The following KSR2 variants were observed in gnomAD, a reference collection of about 807,000 sequenced individuals.
KSR2 encodes the protein kinase suppressor of ras 2.
Under a neutral mutation model 107.8 loss-of-function variants are expected in KSR2, and 25 were observed. The observed-to-expected ratio is 0.23, with a 90% CI of 0.17 to 0.32. The LOEUF (loss-of-function observed/expected upper bound fraction) is 0.32. Ranked by LOEUF, KSR2 falls within the 10% of genes least tolerant of loss-of-function variation. The probability of loss-of-function intolerance (pLI) is 1.00; values close to 1 mark genes in which losing one functional copy is unlikely to be tolerated. For missense variants in KSR2, 887 were observed against 1,268.9 expected, an observed-to-expected ratio of 0.70 and a Z score of 4.57; for synonymous variants, 480 against 507.0, an observed-to-expected ratio of 0.95 and a Z score of 0.71.
At position 117,549,078 on chromosome 12, in the gene KSR2, C is replaced by T. The variant is rs79871267; in HGVS notation, c.1518+6091G>A. 3.0e-3 allele frequency among the ~76,000 whole-genome samples: 464 copies of T among 152,324 alleles called. 2 individuals are homozygous for T. The highest frequency in any genetic ancestry group is 0.011 in the African/African-American group (446 of 41,568). On this transcript the variant is annotated intron_variant, in intron 9 of 19. Coordinates refer to ENST00000339824, the MANE Select transcript of KSR2 (RefSeq NM_173598.6). The stretch of plus-strand genomic sequence containing the variant: ...CTAACCACCTGCCACGCAAGACCAC[C>T]TTGAAGGTAACTCTGATCCAACATT...
At chr12:117,801,476 C>T (rs1268232816) in intron 3 of KSR2, among the ~76,000 whole-genome samples, 2 of 152,048 alleles carry the variant, frequency 1.3e-5, no homozygotes, top group Non-Finnish European at 2.9e-5. Context: ...GTTCACAGTT[C>T]CTCAGGCTGT....
intron 1 of KSR2, among the ~76,000 whole-genome samples, chr12:117,966,487 C>G (rs79983934): frequency 0.029 from 4,376 of 152,114 alleles, 219 homozygotes; most frequent in African/African-American, 0.1. Context: ...CAACACAATT[C>G]CCACTCTCCC....
Position 117,476,566 on chromosome 12 carries a change from C to T in KSR2, c.2480G>A (p.Gly827Asp). 1 of 1,611,516 alleles carries T rather than the reference C, an allele frequency of 6.2e-7. No individual in the cohort carries two copies. The highest frequency in any genetic ancestry group is 8.5e-7 in the Non-Finnish European group (1 of 1,178,994). ...RREDKLRIQNGWLCHLAPEII... is the reference protein window; with the variant it reads ...RREDKLRIQNDWLCHLAPEII... The stretch of plus-strand genomic sequence containing the variant: ...CTCTGGTGCCAGGTGGCATAGCCAG[C>T]CATTCTGGATGCGCAGTTTGTCCTC... Residue 827 changes from glycine (G) to aspartate (D), a missense_variant, in exon 17 of 20, where the codon GGC becomes GAC. By Grantham distance (94) the Gly-to-Asp change is moderately conservative (BLOSUM62 -1). This residue lies in a region of KSR2 where 308 missense variants were observed against 506.2 expected (regional missense o/e 0.61). Transcript: ENST00000339824.
chr12:117,798,643 C>A (rs375034933), intron 3 of KSR2, among the ~76,000 whole-genome samples: 2 of 144,492 alleles, frequency 1.4e-5, no homozygotes, highest in East Asian at 2.0e-4. Context: ...AAAAACAAAA[C>A]GAAACAAAAC....
chr12:117,582,122 T>C (rs860113), intron 6 of KSR2, among the ~76,000 whole-genome samples, 168 bp downstream of exon 6: 139,173 of 152,278 alleles, frequency 0.91, 63,824 homozygotes, highest in East Asian at 0.99. Context: ...TGTCTCAGTC[T>C]CCTGGTTGCC....
rs78918793 is a variant in KSR2, at chr12:117,597,736, A to T, written c.1172-15377T>A. On this transcript the variant is annotated intron_variant, in intron 5 of 19. Coordinates refer to ENST00000339824, the MANE Select transcript of KSR2 (RefSeq NM_173598.6). The stretch of plus-strand genomic sequence containing the variant: ...CAGCAACAGGAAACCAACGTAGCCA[A>T]GTATTAAATATTCACCAGTTACTTT... Among the ~76,000 whole-genome samples, 887 of 152,332 alleles carry T rather than the reference A, an allele frequency of 5.8e-3. 5 individuals carry two copies. Among genetic ancestry groups the T allele is most frequent in the African/African-American group, 0.02 (817 of 41,568 alleles).
chr12:117,479,470 C>T (rs1592911946), intron 16 of KSR2, among the ~76,000 whole-genome samples: 1 of 152,304 alleles, frequency 6.6e-6, no homozygotes, highest in East Asian at 1.9e-4. Flanking sequence ...TGTTGGGGGA[C>T]ACGGGGGCTG....
intron 14 of KSR2, among the ~76,000 whole-genome samples, chr12:117,520,664 C>T (rs988546030): frequency 6.6e-6 from 1 of 152,206 alleles, no homozygotes; most frequent in African/African-American, 2.4e-5. Context: ...AAATATCTCC[C>T]TTTGTGCACC....
intron 1 of KSR2, among the ~76,000 whole-genome samples, chr12:117,964,832 A>G (rs1249697549): frequency 6.6e-6 from 1 of 152,246 alleles, no homozygotes; most frequent in Admixed American, 6.5e-5. Flanking sequence ...ATTTACAACT[A>G]TATCAGTCTG....
chr12:117,784,291 C>T (rs966187660), intron 3 of KSR2, among the ~76,000 whole-genome samples: 5 of 152,152 alleles, frequency 3.3e-5, no homozygotes, highest in African/African-American at 4.8e-5. Flanking sequence ...GTGAGTAAGT[C>T]TCACGAGATC....
chr12:117,948,865 G>A (rs182755779), intron 1 of KSR2, among the ~76,000 whole-genome samples: 1 of 152,156 alleles, frequency 6.6e-6, no homozygotes, highest in East Asian at 1.9e-4. Flanking sequence ...AGGCTGAGCA[G>A]GGTGGATCAC....
At chr12:117,839,909 G>A (rs1337206214) in intron 3 of KSR2, among the ~76,000 whole-genome samples, 3 of 152,102 alleles carry the variant, frequency 2.0e-5, no homozygotes, top group East Asian at 1.9e-4. Context: ...CAGGGTTCGA[G>A]GAGGATTCTT....
chr12:117,838,368 T>C (rs943468907), intron 3 of KSR2, among the ~76,000 whole-genome samples: 2 of 152,124 alleles, frequency 1.3e-5, no homozygotes, highest in African/African-American at 4.8e-5. Flanking sequence ...GGGGTTTCAC[T>C]GTGTTAGCCA....
intron 14 of KSR2, among the ~76,000 whole-genome samples, chr12:117,508,237 C>T (rs569324963): frequency 2.0e-5 from 3 of 152,154 alleles, no homozygotes; most frequent in South Asian, 4.1e-4. Context: ...GCTCTAAACA[C>T]GTGATACCAG....
chr12:117,862,094 T>C (rs35354721), intron 1 of KSR2, among the ~76,000 whole-genome samples: 24,469 of 150,292 alleles, frequency 0.16, 2,420 homozygotes, highest in African/African-American at 0.28. Context: ...CAAGGCCTTG[T>C]TCCGTTGCCC....
At position 117,760,987 on chromosome 12, in the gene KSR2, A is replaced by T. The variant is rs747470408; in HGVS notation, c.986+24T>A. The T allele has an allele frequency of 2.3e-5, 37 of 1,612,280 alleles. No homozygotes were observed. In the South Asian group the frequency reaches 4.1e-4, roughly 18 times the overall value. On this transcript the variant is annotated intron_variant, in intron 4 of 19. Transcript: ENST00000339824. ...TCGCAGGCCGGGTTTCGACCGCCCC[A>T]GGGCACCCACCGATCGCACTCACTT...
At chr12:117,576,550 T>C (rs764852677) in intron 7 of KSR2, among the ~76,000 whole-genome samples, 8 of 152,102 alleles carry the variant, frequency 5.3e-5, no homozygotes, top group Non-Finnish European at 1.0e-4. Context: ...TAGGCTGGAG[T>C]GCAGTGGTGC....
chr12:117,733,702 A>T (rs1887821385), intron 4 of KSR2, among the ~76,000 whole-genome samples: 1 of 152,094 alleles, frequency 6.6e-6, no homozygotes. Flanking sequence ...AGAATGTTTT[A>T]GGTGCCCGAA....
intron 1 of KSR2, among the ~76,000 whole-genome samples, chr12:117,873,712 T>C (rs1402520327): frequency 1.3e-5 from 2 of 152,088 alleles, no homozygotes; most frequent in African/African-American, 4.8e-5. Context: ...CCGCCTGCCT[T>C]GGCCTCCCAA....
Sources: gnomAD v4.1 joint callset for allele counts (sites outside exome capture counted in the v4.1 genomes callset) on GRCh38, gnomAD v4.1.1 for gene constraint, gnomAD v4.1.1 regional missense constraint, MANE v1.5 for transcripts, NCBI Gene and HGNC (gene_info 2026-07-23, HGNC 2026-07-21) for gene names.